Variants in SLCO1B3 observed in about 807,000 individuals in gnomAD.
SLCO1B3 encodes the protein solute carrier organic anion transporter family member 1B3.
SLCO1B3 carries 72 observed loss-of-function variants against 71.8 expected under a neutral mutation model. The ratio of observed to expected loss-of-function variants is 1.00; its 90% CI spans 0.83 to 1.22. The LOEUF is 1.22. Among genes scored for constraint, SLCO1B3 ranks in the 50% most tolerant of loss-of-function variants. The pLI is 0.00. For synonymous variants in SLCO1B3, 298 were observed against 278.4 expected (o/e 1.07, Z -0.70); for missense variants, 911 against 819.7 (o/e 1.11, Z -1.36).
chr12:20,855,110 A>G lies in SLCO1B3; in HGVS notation c.167A>G (p.Glu56Gly), dbSNP rs1455125931. 5 of 1,611,672 alleles carry G rather than the reference A, an allele frequency of 3.1e-6. No homozygotes were observed. The highest frequency in any genetic ancestry group is 3.4e-6 in the Non-Finnish European group (4 of 1,178,814). The change falls in exon 4 of 16, where the codon GAA (glutamate) becomes GGA (glycine). Residue 56 changes from glutamate (E) to glycine (G), a missense_variant. Glu to Gly is a moderately conservative substitution (Grantham distance 98). Transcript: ENST00000381545. ...IIMKISITQIERRFDISSSLA... is the reference protein window; with the variant it reads ...IIMKISITQIGRRFDISSSLA... ...ATGAAAATTTCCATCACTCAAATAG[A>G]AAGGAGATTTGACATATCCTCTTCT...
At position 20,880,968 on chromosome 12, in the gene SLCO1B3, T is replaced by C; in HGVS notation, c.1445T>C (p.Leu482Pro). The change falls in exon 12 of 16, where the codon CTG becomes CCG. Residue 482 changes from leucine to proline, a missense_variant. Coordinates refer to ENST00000381545, the MANE Select transcript of SLCO1B3 (RefSeq NM_019844.4). ...TGTGGGAACAATGGAATAACTTACC[T>C]GTCACCTTGTCTAGCAGGATGCAAA... is the stretch of plus-strand genomic sequence containing the variant. Reference protein sequence around the residue: ...PVCGNNGITYLSPCLAGCKSS... With the variant: ...PVCGNNGITYPSPCLAGCKSS... The C allele has an allele frequency of 1.2e-6, 2 of 1,612,634 alleles. No homozygotes were observed. The highest frequency in any genetic ancestry group is 1.7e-6 in the Non-Finnish European group (2 of 1,178,860).
chr12:20,858,460 T>C lies in SLCO1B3; in HGVS notation c.248T>C (p.Phe83Ser). The change falls in exon 5 of 16, where the codon TTT becomes TCT. Residue 83 changes from phenylalanine to serine, a missense_variant. Transcript: ENST00000381545. ...FEIGNLLVIV[F>S]VSYFGSKLHR... is the part of the protein sequence containing the mutation. ...CTAGGAAATTTGCTTGTGATTGTAT[T>C]TGTAAGTTACTTTGGATCTAAACTA... 6.3e-7 allele frequency: 1 copy of C among 1,591,386 alleles called. No homozygotes were observed. The highest frequency in any genetic ancestry group is 8.6e-7 in the Non-Finnish European group (1 of 1,159,596).
At chr12:20,857,868 A>G (rs971753000) in intron 4 of SLCO1B3, among the ~76,000 whole-genome samples, 2 of 152,250 alleles carry the variant, frequency 1.3e-5, no homozygotes, top group Admixed American at 1.3e-4. Flanking sequence ...TAAATAATTT[A>G]TACTCAACAT....
intron 15 of SLCO1B3, among the ~76,000 whole-genome samples, chr12:20,912,301 T>A (rs1290637626): frequency 7.2e-6 from 1 of 139,664 alleles, no homozygotes; most frequent in African/African-American, 2.7e-5. Context: ...TTATTTTTAT[T>A]TTTATTTATT....
chr12:20,912,389 G>A (rs1003586744), intron 15 of SLCO1B3, among the ~76,000 whole-genome samples: 1 of 150,810 alleles, frequency 6.6e-6, no homozygotes, highest in Non-Finnish European at 1.5e-5. Flanking sequence ...GAGTGCAGCA[G>A]TACGATGTCA....
chr12:20,846,718 A>G (rs546696337), intron 3 of SLCO1B3, among the ~76,000 whole-genome samples: 1 of 152,264 alleles, frequency 6.6e-6, no homozygotes, highest in Non-Finnish European at 1.5e-5. Context: ...CTTCTACTGG[A>G]AAGGACACAA....
At chr12:20,825,842 A>G (rs540193033) in intron 3 of SLCO1B3, among the ~76,000 whole-genome samples, 1 of 151,700 alleles carries the variant, frequency 6.6e-6, no homozygotes, top group Non-Finnish European at 1.5e-5. Context: ...AACCATGAAA[A>G]CTTAATAGAA....
chr12:20,889,352 AATT>A (rs1341234699), intron 13 of SLCO1B3, among the ~76,000 whole-genome samples: 4 of 151,802 alleles, frequency 2.6e-5, no homozygotes, highest in African/African-American at 4.8e-5. Context: ...GAGATTTTTT[AATT>A]ATTATTACTA....
chr12:20,878,103 G>C (rs1285433345), intron 10 of SLCO1B3, among the ~76,000 whole-genome samples, 167 bp downstream of exon 10: 2 of 151,646 alleles, frequency 1.3e-5, no homozygotes, highest in African/African-American at 4.8e-5. Flanking sequence ...TCGTTGTTCT[G>C]CATTTGAAGT....
rs1046420357 is a variant in SLCO1B3 at position 20,862,840 on chromosome 12, G to C, written c.713G>C (p.Gly238Ala). 1.3e-6 allele frequency: 2 copies of C among 1,576,502 alleles called. No individual in the cohort carries two copies. Among genetic ancestry groups the C allele is most frequent in the Non-Finnish European group, 1.7e-6 (2 of 1,145,702 alleles). ...SLFAKMYVDI[G>A]YVDLSTIRIT... Reference sequence around the variant, plus strand: ...TTTGCTAAAATGTACGTGGATATTGGATATGTAGATCTGAGTAAGTACAAT... The same window carrying C: ...TTTGCTAAAATGTACGTGGATATTGCATATGTAGATCTGAGTAAGTACAAT... The change falls in exon 8 of 16, where the codon GGA becomes GCA. Residue 238 changes from glycine (G) to alanine (A), a missense_variant. Physicochemically the swap from Gly to Ala is moderately conservative, Grantham distance 60. Transcript: ENST00000381545.
intron 3 of SLCO1B3, among the ~76,000 whole-genome samples, chr12:20,816,812 C>T (rs918749850): frequency 2.6e-5 from 4 of 152,132 alleles, no homozygotes; most frequent in Non-Finnish European, 5.9e-5. Context: ...TTTATTGCTA[C>T]CAACAGTGTA....
chr12:20,862,787 A>T lies in SLCO1B3; in HGVS notation c.660A>T (p.Pro220=). 2 of 1,611,994 alleles carry T rather than the reference A, an allele frequency of 1.2e-6. No individual in the cohort carries two copies. Among genetic ancestry groups the T allele is most frequent in the Non-Finnish European group, 1.7e-6 (2 of 1,178,258 alleles). ...TGAATGCAATAGGAATGATTGGTCC[A>T]GTCATTGGCTTTGCACTGGGATCTC... is the stretch of plus-strand genomic sequence containing the variant. The part of the protein sequence containing the change: ...GSLNAIGMIG[P]VIGFALGSLF... Residue 220 remains proline, a synonymous_variant, in exon 8 of 16, where the codon CCA becomes CCT. Coordinates refer to ENST00000381545, the MANE Select transcript of SLCO1B3 (RefSeq NM_019844.4).
intron 5 of SLCO1B3, among the ~76,000 whole-genome samples, chr12:20,860,080 C>G (rs1393041487): frequency 6.6e-6 from 1 of 151,724 alleles, no homozygotes; most frequent in African/African-American, 2.4e-5. Flanking sequence ...CTCAGCCTCC[C>G]GAGTAGCTGG....
chr12:20,906,478 T>C (rs1565609295), intron 15 of SLCO1B3, among the ~76,000 whole-genome samples: 1 of 152,192 alleles, frequency 6.6e-6, no homozygotes, highest in Admixed American at 6.5e-5. Flanking sequence ...AAAAGTGAAC[T>C]CTAATGTAAA....
At chr12:20,911,202 T>A (rs1866367465) in intron 15 of SLCO1B3, among the ~76,000 whole-genome samples, 1 of 152,174 alleles carries the variant, frequency 6.6e-6, no homozygotes, top group South Asian at 2.1e-4. Flanking sequence ...TCTATTGATG[T>A]GATCATGTGA....
intron 13 of SLCO1B3, among the ~76,000 whole-genome samples, chr12:20,897,089 A>C (rs542070121): frequency 2.1e-3 from 315 of 152,304 alleles, no homozygotes; most frequent in South Asian, 4.6e-3. Flanking sequence ...GTAAAATTCA[A>C]GATGAGATTT....
chr12:20,869,763 T>C (rs1261174556), intron 8 of SLCO1B3, among the ~76,000 whole-genome samples: 1 of 152,232 alleles, frequency 6.6e-6, no homozygotes, highest in East Asian at 1.9e-4. Context: ...TTTTCACATT[T>C]AGACTGCTGT....
intron 3 of SLCO1B3, among the ~76,000 whole-genome samples, chr12:20,817,370 G>C (rs1864210512): frequency 2.0e-5 from 3 of 152,026 alleles, no homozygotes; most frequent in African/African-American, 7.3e-5. Flanking sequence ...AGTTCATTTT[G>C]ATTTGTTTTT....
chr12:20,854,978 A>G lies in SLCO1B3; in HGVS notation c.85-50A>G, dbSNP rs762549274. 7.2e-6 allele frequency: 11 copies of G among 1,523,384 alleles called. No individual in the cohort carries two copies. In the African/African-American group the frequency reaches 1.1e-4, roughly 15 times the overall value. The allele number at this position is 1,523,384 out of a possible 1,614,324, so 94.4% of individuals were successfully genotyped here. A position where few individuals can be genotyped will look rare whatever the true frequency, so the allele number is the denominator to read the frequency against. ...TTAGTTCCATGTACCTATAAACATT[A>G]TATAGTTCTTTGATTAACCAATTTT... On this transcript the variant is annotated intron_variant, in intron 3 of 15. Coordinates refer to ENST00000381545, the MANE Select transcript of SLCO1B3 (RefSeq NM_019844.4).
Sources: allele counts gnomAD v4.1 joint callset (sites outside exome capture counted in the v4.1 genomes callset), GRCh38; gene constraint gnomAD v4.1.1; transcripts MANE v1.5; gene names NCBI Gene and HGNC (gene_info 2026-07-23, HGNC 2026-07-21).